The following PRH1 variants were observed in gnomAD, a reference collection of about 807,000 sequenced individuals.
PRH1 encodes proline rich protein HaeIII subfamily 1, also known as salivary acidic proline-rich phosphoprotein 1/2.
PRH1 carries 7 observed loss-of-function variants against 7.9 expected under a neutral mutation model. That is an observed-to-expected ratio of 0.89 (90% CI 0.50 to 1.67). The LOEUF is 1.67. Among genes scored for constraint, PRH1 ranks in the 40% most tolerant of loss-of-function variants. PRH1 has a pLI of 0.00. For missense variants in PRH1, 109 were observed against 223.6 expected, an observed-to-expected ratio of 0.49 and a Z score of 3.27; for synonymous variants, 45 against 80.8, an observed-to-expected ratio of 0.56 and a Z score of 2.38.
chr12:11,011,693 T>C lies in PRH1; in HGVS notation c.-126+35327A>G, dbSNP rs552633813. The stretch of plus-strand genomic sequence containing the variant: ...ATTTATTTTTTCAATGTCAGATTTA[T>C]GTAGACAGAATCCAAAGTTTTCTTA... On this transcript the variant is annotated intron_variant, in intron 1 of 3. Transcript: ENST00000539853. Among the ~76,000 whole-genome samples the C allele has an allele frequency of 2.8e-4, 43 of 152,284 alleles. 1 individual carries two copies. In the South Asian group the frequency reaches 6.0e-3, roughly 21 times the overall value.
At chr12:10,895,637 G>A (rs1435352303) in intron 2 of PRH1, 1 of 152,126 alleles carries the variant, frequency 6.6e-6, no homozygotes, top group Non-Finnish European at 1.5e-5. Context: ...AAAACTTACT[G>A]CAAGATTCTT....
At chr12:10,893,698 C>T (rs994942597) in intron 2 of PRH1, among the ~76,000 whole-genome samples, 7 of 152,154 alleles carry the variant, frequency 4.6e-5, no homozygotes, top group Admixed American at 4.6e-4. Flanking sequence ...CTAGGGTTTA[C>T]TTTTTGTTCT....
intron 1 of PRH1, among the ~76,000 whole-genome samples, chr12:11,146,045 G>A (rs901155616): frequency 6.6e-6 from 1 of 152,076 alleles, no homozygotes; most frequent in African/African-American, 2.4e-5. Context: ...TAGATATAAA[G>A]TGTATGTATT....
intron 1 of PRH1, chr12:11,097,164 T>C: frequency 1.1e-5 from 2 of 189,584 alleles, no homozygotes; most frequent in Non-Finnish European, 2.4e-5. Context: ...TATCAAATAG[T>C]AAAACATTAC....
At chr12:11,133,514 G>C (rs1249677283) in intron 1 of PRH1, 2 of 1,614,010 alleles carry the variant, frequency 1.2e-6, no homozygotes, top group Non-Finnish European at 1.7e-6. Context: ...TATGATCATG[G>C]ACAGAAAGTA....
At chr12:11,136,407 G>C (rs1946556045) in intron 1 of PRH1, among the ~76,000 whole-genome samples, 1 of 151,892 alleles carries the variant, frequency 6.6e-6, no homozygotes, top group Non-Finnish European at 1.5e-5. Flanking sequence ...CTTCTTTTTT[G>C]AAGTTATGAA....
intron 2 of PRH1, among the ~76,000 whole-genome samples, chr12:10,907,423 A>G (rs1327432986): frequency 1.3e-5 from 2 of 152,120 alleles, no homozygotes; most frequent in Non-Finnish European, 2.9e-5. Flanking sequence ...GGAACAAACT[A>G]CTGATTAATA....
In PRH1 at chr12:11,096,793, T is replaced by TG. The variant is rs1287216862; in HGVS notation, n.124-49606_124-49605insC. 9.6e-5 allele frequency among the ~76,000 whole-genome samples: 11 copies of TG among 114,626 alleles called. 3 individuals are homozygous for TG. The highest frequency in any genetic ancestry group is 2.3e-4 in the African/African-American group (8 of 34,098). The allele number at this position is 114,626 out of a possible 152,430, so 75.2% of individuals were successfully genotyped here. A position where few individuals can be genotyped will look rare whatever the true frequency, so the allele number is the denominator to read the frequency against. Reference sequence around the variant, plus strand: ...TTAAATTTTATGCGGTTTTTGTTTTTTTTGTTGTTGTTGTTGTTGTTTTTG... The same window carrying TG: ...TTAAATTTTATGCGGTTTTTGTTTTTGTTTGTTGTTGTTGTTGTTGTTTTTG... On this transcript the variant is annotated intron_variant and non_coding_transcript_variant, in intron 1 of 4. Coordinates refer to the PRH1 transcript ENST00000541977.
chr12:10,981,883 C>A (rs7307363), intron 1 of PRH1, among the ~76,000 whole-genome samples: 1 of 118,252 alleles, frequency 8.5e-6, no homozygotes, highest in Non-Finnish European at 1.8e-5. Context: ...TTTTTTTTTA[C>A]AGATTCTTAC....
chr12:11,145,735 T>A (rs889825162), intron 1 of PRH1, among the ~76,000 whole-genome samples: 1 of 147,618 alleles, frequency 6.8e-6, no homozygotes, highest in African/African-American at 2.5e-5. Flanking sequence ...TAAGCCAGCA[T>A]TGCCTAAAAT....
intron 1 of PRH1, among the ~76,000 whole-genome samples, chr12:11,026,155 C>T (rs539515611): frequency 1.3e-5 from 2 of 152,378 alleles, no homozygotes; most frequent in African/African-American, 4.8e-5. Flanking sequence ...CCTGCCTCAG[C>T]TTCCCAAGTA....
chr12:10,989,651 A>T (rs1427828796), intron 1 of PRH1, among the ~76,000 whole-genome samples: 4 of 152,130 alleles, frequency 2.6e-5, no homozygotes, highest in Non-Finnish European at 5.9e-5. Flanking sequence ...ATTTATTTAG[A>T]CTTATGCACA....
At chr12:11,030,567 T>C in intron 1 of PRH1, 1 of 1,614,224 alleles carries the variant, frequency 6.2e-7, no homozygotes, top group Non-Finnish European at 8.5e-7. Context: ...ACAGGTTTGT[T>C]TTCCAGACTC....
chr12:10,991,318 ATGGGTTAATCAATCATTATTCT>A (rs1267844286), intron 1 of PRH1, among the ~76,000 whole-genome samples: 1 of 152,192 alleles, frequency 6.6e-6, no homozygotes, highest in East Asian at 1.9e-4. Flanking sequence ...ATAAGTCAAA[ATGGGTTAATCAATCATTATTCT>A]ATCTGTATAT....
At chr12:11,032,129 G>A (rs1942250932) in intron 1 of PRH1, among the ~76,000 whole-genome samples, 1 of 152,174 alleles carries the variant, frequency 6.6e-6, no homozygotes, top group Non-Finnish European at 1.5e-5. Flanking sequence ...AAATTGACGT[G>A]AAACCTGAAT....
intron 1 of PRH1, among the ~76,000 whole-genome samples, chr12:11,037,519 G>T (rs1942485756): frequency 6.6e-6 from 1 of 152,146 alleles, no homozygotes; most frequent in Admixed American, 6.5e-5. Context: ...TTCATTTAGA[G>T]ACACATTTTT....
At chr12:10,887,484 G>A (rs1016861041), upstream of PRH1, among the ~76,000 whole-genome samples, 9 of 150,834 alleles carry the variant, frequency 6.0e-5, no homozygotes, top group Non-Finnish European at 1.3e-4. Context: ...GATGTTAGTG[G>A]TCCATAAATA....
intron 1 of PRH1, among the ~76,000 whole-genome samples, chr12:11,136,067 T>C (rs1204835081): frequency 6.6e-6 from 1 of 152,206 alleles, no homozygotes; most frequent in African/African-American, 2.4e-5. Context: ...TCCACCTCCA[T>C]GCCACTTTCC....
intron 1 of PRH1, among the ~76,000 whole-genome samples, chr12:11,079,902 G>A (rs1944442537): frequency 8.5e-6 from 1 of 118,292 alleles, no homozygotes; most frequent in Admixed American, 8.4e-5. Flanking sequence ...AATTTTCATG[G>A]AATCTTTCTC....
Sources: gnomAD v4.1 joint callset for allele counts (sites outside exome capture counted in the v4.1 genomes callset) on GRCh38, gnomAD v4.1.1 for gene constraint, MANE v1.5 for transcripts, NCBI Gene and HGNC (gene_info 2026-07-23, HGNC 2026-07-21) for gene names.